RPS6KA5: variants seen among roughly 807,000 people sequenced by gnomAD.
RPS6KA5 encodes ribosomal protein S6 kinase A5.
RPS6KA5 carries 27 observed loss-of-function variants against 85.5 expected under a neutral mutation model. That is an observed-to-expected ratio of 0.32 (90% CI 0.23 to 0.44). RPS6KA5 has a LOEUF of 0.44. Among genes scored for constraint, RPS6KA5 ranks in the 20% least tolerant of loss-of-function variants. The pLI is 1.00. For synonymous variants in RPS6KA5, 334 were observed against 348.2 expected, an observed-to-expected ratio of 0.96 and a Z score of 0.46; for missense variants, 811 against 980.9, an observed-to-expected ratio of 0.83 and a Z score of 2.31.
rs2032002150 is a variant in RPS6KA5 at position 90,851,668 on chromosome 14, C to A, written c.*20406G>T. On this transcript the variant is annotated 3_prime_UTR_variant, in exon 17 of 17. Coordinates refer to ENST00000614987, the MANE Select transcript of RPS6KA5 (RefSeq NM_004755.4). ...AGTACATTTTACTCTTCACTTAAAA[C>A]CAAGGGTTCAGGGAAAAAGGAAGGA... The A allele has an allele frequency of 6.6e-6, 1 of 152,140 alleles. No individual in the cohort carries two copies. Among genetic ancestry groups the A allele is most frequent in the Non-Finnish European group, 1.5e-5 (1 of 68,030 alleles). 9.4% of individuals were successfully genotyped at this position (152,140 alleles called of 1,614,324 possible).
rs982593392 is a variant in RPS6KA5, at chr14:90,928,573, A to T, written c.619-5377T>A. 3.9e-5 allele frequency among the ~76,000 whole-genome samples: 6 copies of T among 151,970 alleles called. No individual in the cohort carries two copies. In the South Asian group the frequency reaches 1.2e-3, roughly 31 times the overall value. On this transcript the variant is annotated intron_variant, in intron 5 of 16. Transcript: ENST00000614987. Reference sequence around the variant, plus strand: ...CATTACTATAGTTACAGAGATTTTTAAAAGTAAGGAAATTCTGAAGAAACT... The same window carrying T: ...CATTACTATAGTTACAGAGATTTTTTAAAGTAAGGAAATTCTGAAGAAACT...
chr14:90,969,247 G>A (rs1049362058), intron 3 of RPS6KA5, among the ~76,000 whole-genome samples: 4 of 152,132 alleles, frequency 2.6e-5, no homozygotes, highest in Admixed American at 6.5e-5. Context: ...AATACCTTAT[G>A]GAATTAACGT....
chr14:90,962,089 T>C (rs1184954493), intron 3 of RPS6KA5, among the ~76,000 whole-genome samples: 1 of 152,196 alleles, frequency 6.6e-6, no homozygotes, highest in African/African-American at 2.4e-5. Flanking sequence ...ATTATGACTT[T>C]GGACCAAGAG....
intron 1 of RPS6KA5, among the ~76,000 whole-genome samples, chr14:91,003,376 T>A (rs1566851295): frequency 6.6e-6 from 1 of 152,372 alleles, no homozygotes; most frequent in East Asian, 1.9e-4. Flanking sequence ...TATAAATTAA[T>A]TACACTTTCT....
chr14:90,885,414 G>A (rs2034129000), intron 14 of RPS6KA5, among the ~76,000 whole-genome samples: 3 of 150,440 alleles, frequency 2.0e-5, no homozygotes, highest in Admixed American at 6.6e-5. Flanking sequence ...TTAGCCGGGC[G>A]TAGTGGCGGG....
chr14:90,937,915 A>G (rs1035480798), intron 5 of RPS6KA5, among the ~76,000 whole-genome samples: 4 of 152,150 alleles, frequency 2.6e-5, no homozygotes, highest in African/African-American at 9.7e-5. Flanking sequence ...CACCCCTGGC[A>G]TGTCCTCACA....
chr14:91,023,720 G>A (rs1027576974), intron 1 of RPS6KA5, among the ~76,000 whole-genome samples: 1 of 151,082 alleles, frequency 6.6e-6, no homozygotes, highest in African/African-American at 2.4e-5. Flanking sequence ...TGCTTTGTAT[G>A]TCACTTTTAA....
chr14:91,046,552 T>C (rs1274662367), intron 1 of RPS6KA5, among the ~76,000 whole-genome samples: 1 of 152,190 alleles, frequency 6.6e-6, no homozygotes, highest in African/African-American at 2.4e-5. Context: ...TTATTACACA[T>C]CTTAAATATT....
rs1189455693 is a variant in RPS6KA5 at position 90,847,920 on chromosome 14, A to C, written c.*24154T>G. 1 of 152,258 alleles carries C rather than the reference A, an allele frequency of 6.6e-6. No individual in the cohort carries two copies. Among genetic ancestry groups the C allele is most frequent in the Admixed American group, 6.5e-5 (1 of 15,282 alleles). The allele number at this position is 152,258 out of a possible 1,614,324, so 9.4% of individuals were successfully genotyped here. ...AGCTTGAACAAATACATCTTTACAC[A>C]CACACAAGTTGGTAAAAAGTAAGCC... On this transcript the variant is annotated 3_prime_UTR_variant, in exon 17 of 17. Transcript: ENST00000614987.
At chr14:90,971,720 T>C (rs149487646) in intron 3 of RPS6KA5, among the ~76,000 whole-genome samples, 3 of 152,304 alleles carry the variant, frequency 2.0e-5, no homozygotes, top group South Asian at 4.1e-4. Context: ...GAGCCATAAA[T>C]ACTAGTAGGC....
At chr14:91,057,994 T>C (rs1010160722) in intron 1 of RPS6KA5, among the ~76,000 whole-genome samples, 4 of 152,210 alleles carry the variant, frequency 2.6e-5, no homozygotes, top group African/African-American at 9.7e-5. Context: ...TGGAATACAA[T>C]AAAGTGTTCT....
chr14:91,009,014 T>A (rs1259277684), intron 1 of RPS6KA5, among the ~76,000 whole-genome samples: 2 of 152,250 alleles, frequency 1.3e-5, no homozygotes, highest in African/African-American at 2.4e-5. Flanking sequence ...ATTGAATACC[T>A]GTCTTGGGTG....
At chr14:90,908,423 C>T (rs1380769892) in intron 7 of RPS6KA5, among the ~76,000 whole-genome samples, 2 of 152,184 alleles carry the variant, frequency 1.3e-5, no homozygotes, top group African/African-American at 4.8e-5. Flanking sequence ...TGGCCAGAAG[C>T]AGCAGCAGGA....
At chr14:90,973,964 G>A (rs2039440733) in intron 3 of RPS6KA5, among the ~76,000 whole-genome samples, 1 of 149,002 alleles carries the variant, frequency 6.7e-6, no homozygotes, top group Non-Finnish European at 1.5e-5. Context: ...CTTGAACCCA[G>A]GAGGTGGAGG....
In RPS6KA5 at chr14:90,864,821, G is replaced by A. The variant is rs2032731795; in HGVS notation, c.*7253C>T. On this transcript the variant is annotated 3_prime_UTR_variant, in exon 17 of 17. Transcript: ENST00000614987. The stretch of plus-strand genomic sequence containing the variant: ...CAGGAAAATACACCTTAAAATCTCA[G>A]TGAAATACAAAATCACCAGAATGGT... The A allele has an allele frequency of 6.6e-6, 1 of 152,170 alleles. No homozygotes were observed. Among genetic ancestry groups the A allele is most frequent in the South Asian group, 2.1e-4 (1 of 4,818 alleles). The allele number at this position is 152,170 out of a possible 1,614,324, so 9.4% of individuals were successfully genotyped here. A position where few individuals can be genotyped will look rare whatever the true frequency, so the allele number is the denominator to read the frequency against.
Position 90,862,044 on chromosome 14 carries a change from G to T in RPS6KA5, c.*10030C>A, listed in dbSNP as rs769411514. The stretch of plus-strand genomic sequence containing the variant: ...AAATGAATTTCTAAAAATTACTAAC[G>T]AACTAACATAGGAGGAAACAATGGA... On this transcript the variant is annotated 3_prime_UTR_variant, in exon 17 of 17. Coordinates refer to ENST00000614987, the MANE Select transcript of RPS6KA5 (RefSeq NM_004755.4). The T allele has an allele frequency of 6.6e-6, 1 of 152,006 alleles. No homozygotes were observed. The highest frequency in any genetic ancestry group is 1.9e-4 in the East Asian group (1 of 5,190). 9.4% of individuals were successfully genotyped at this position (152,006 alleles called of 1,614,324 possible).
rs2032855674 is a variant in RPS6KA5 at position 90,867,621 on chromosome 14, A to G, written c.*4453T>C. On this transcript the variant is annotated 3_prime_UTR_variant, in exon 17 of 17. Transcript: ENST00000614987. ...GGAAACTTAAGCCTGATGAATAACT[A>G]CTAAGAATCTTGTCTTTTAATACAA... 1 of 152,200 alleles carries G rather than the reference A, an allele frequency of 6.6e-6. No homozygotes were observed. The highest frequency in any genetic ancestry group is 2.1e-4 in the South Asian group (1 of 4,824). 9.4% of individuals were successfully genotyped at this position (152,200 alleles called of 1,614,324 possible).
chr14:90,970,394 G>A (rs543249903), intron 3 of RPS6KA5, among the ~76,000 whole-genome samples: 2 of 152,260 alleles, frequency 1.3e-5, no homozygotes, highest in South Asian at 4.1e-4. Context: ...ACTCAAAAGT[G>A]AAACTTTAAT....
chr14:91,010,804 G>C (rs1206730972), intron 1 of RPS6KA5, among the ~76,000 whole-genome samples: 1 of 152,196 alleles, frequency 6.6e-6, no homozygotes, highest in African/African-American at 2.4e-5. Context: ...AGAAAAAGTA[G>C]AGATGGGAGG....
Sources: gnomAD v4.1 joint callset for allele counts (sites outside exome capture counted in the v4.1 genomes callset) on GRCh38, gnomAD v4.1.1 for gene constraint, MANE v1.5 for transcripts, NCBI Gene and HGNC (gene_info 2026-07-23, HGNC 2026-07-21) for gene names.